The following BTBD9 variants were observed in gnomAD, a reference collection of about 807,000 sequenced individuals.
BTBD9 encodes BTB domain containing 9, also known as BTB/POZ domain-containing protein 9.
A neutral mutation model predicts 64.3 loss-of-function variants in BTBD9; 49 were observed. That is an observed-to-expected ratio of 0.76 (90% CI 0.61 to 0.97). The LOEUF (loss-of-function observed/expected upper bound fraction) is 0.97, where lower values mean the gene tolerates loss of function less well. Among genes scored for constraint, BTBD9 ranks in the 50% least tolerant of loss-of-function variants. The probability of loss-of-function intolerance (pLI) is 0.00; values close to 1 mark genes in which losing one functional copy is unlikely to be tolerated. For synonymous variants in BTBD9, 260 were observed against 274.7 expected, an observed-to-expected ratio of 0.95 and a Z score of 0.53; for missense variants, 598 against 762.1, an observed-to-expected ratio of 0.78 and a Z score of 2.53.
intron 1 of BTBD9, among the ~76,000 whole-genome samples, chr6:38,628,777 G>A (rs1387563458): frequency 6.6e-6 from 1 of 152,102 alleles, no homozygotes; most frequent in East Asian, 1.9e-4. Flanking sequence ...TTTGCTAAGA[G>A]GGCCTAGAAG....
Position 38,192,606 on chromosome 6 carries a change from G to C in BTBD9, c.1563-9C>G, listed in dbSNP as rs376378194. 1 of 1,612,846 alleles carries C rather than the reference G, an allele frequency of 6.2e-7. No homozygotes were observed. Among genetic ancestry groups the C allele is most frequent in the African/African-American group, 1.3e-5 (1 of 74,866 alleles). On this transcript the variant is annotated splice_polypyrimidine_tract_variant and intron_variant, in intron 9 of 10. Transcript: ENST00000481247. ...TTACTGACTGCCAGGACCTGTGAGA[G>C]GAAACAACCATTTGCCTGATTAGAT...
At chr6:38,199,903 A>C (rs1169255021) in intron 9 of BTBD9, among the ~76,000 whole-genome samples, 1 of 152,228 alleles carries the variant, frequency 6.6e-6, no homozygotes, top group Non-Finnish European at 1.5e-5. Flanking sequence ...TGCTGCCCCT[A>C]AACTGTAGGC....
chr6:38,389,169 A>T (rs1480644120), intron 6 of BTBD9, among the ~76,000 whole-genome samples: 1 of 152,224 alleles, frequency 6.6e-6, no homozygotes, highest in Non-Finnish European at 1.5e-5. Context: ...AAAGACATAT[A>T]TTATATCTAT....
intron 6 of BTBD9, among the ~76,000 whole-genome samples, chr6:38,470,047 C>T (rs1770577568): frequency 6.6e-6 from 1 of 152,166 alleles, no homozygotes; most frequent in Non-Finnish European, 1.5e-5. Context: ...ATCCTCCTAA[C>T]ACCAACAAGT....
At position 38,184,648 on chromosome 6, in the gene BTBD9, G is replaced by A. The variant is rs1469493626; in HGVS notation, c.1641+7871C>T. On this transcript the variant is annotated intron_variant, in intron 10 of 10. Coordinates refer to ENST00000481247, the MANE Select transcript of BTBD9 (RefSeq NM_001099272.2). This position sits in a 1 kb window ranked among gnomAD's most constrained non-coding sequence, Gnocchi z 4.4. ...CTTTGAGGTGCTTCTGGGCTGAGACGATGGTCCTCTGGAGGATGCTGCCGG... is the reference window on the plus strand; with the variant it reads ...CTTTGAGGTGCTTCTGGGCTGAGACAATGGTCCTCTGGAGGATGCTGCCGG... 1.3e-5 allele frequency among the ~76,000 whole-genome samples: 2 copies of A among 152,184 alleles called. No homozygotes were observed. Among genetic ancestry groups the A allele is most frequent in the African/African-American group, 4.8e-5 (2 of 41,442 alleles).
chr6:38,354,840 C>T (rs1477584728), intron 6 of BTBD9, among the ~76,000 whole-genome samples: 6 of 151,794 alleles, frequency 4.0e-5, no homozygotes, highest in South Asian at 2.1e-4. Flanking sequence ...AATAATACTG[C>T]AGAAAACTTG....
intron 5 of BTBD9, among the ~76,000 whole-genome samples, chr6:38,579,191 A>C (rs1283470999): frequency 6.6e-6 from 1 of 152,226 alleles, no homozygotes. Context: ...TGTACATGGG[A>C]AATGCTGACT....
chr6:38,483,176 T>G (rs1339711410), intron 6 of BTBD9, among the ~76,000 whole-genome samples: 1 of 152,028 alleles, frequency 6.6e-6, no homozygotes, highest in Non-Finnish European at 1.5e-5. Flanking sequence ...ATACTTTATC[T>G]TCTACATGTA....
intron 6 of BTBD9, among the ~76,000 whole-genome samples, chr6:38,568,484 T>C (rs759360660): frequency 1.3e-5 from 2 of 152,218 alleles, no homozygotes; most frequent in Non-Finnish European, 2.9e-5. Flanking sequence ...CAGCTCACTT[T>C]TGTCTCTGTT....
intron 9 of BTBD9, among the ~76,000 whole-genome samples, chr6:38,237,603 A>C (rs1763822167): frequency 6.6e-6 from 1 of 152,208 alleles, no homozygotes; most frequent in Non-Finnish European, 1.5e-5. Flanking sequence ...GATAGGAGTA[A>C]ATGGTTACCA....
chr6:38,502,620 A>G (rs1039949271), intron 6 of BTBD9, among the ~76,000 whole-genome samples: 3 of 152,226 alleles, frequency 2.0e-5, no homozygotes, highest in African/African-American at 7.2e-5. Context: ...AAACCTGCAG[A>G]GATGAGCAGG....
chr6:38,372,518 C>T (rs899934288), intron 6 of BTBD9, among the ~76,000 whole-genome samples: 1 of 152,204 alleles, frequency 6.6e-6, no homozygotes, highest in Non-Finnish European at 1.5e-5. Context: ...AAAAATAACA[C>T]TTTTAAGTAT....
At chr6:38,225,496 C>T (rs1412139902) in intron 9 of BTBD9, among the ~76,000 whole-genome samples, 3 of 152,168 alleles carry the variant, frequency 2.0e-5, no homozygotes, top group Non-Finnish European at 2.9e-5. Flanking sequence ...GGAACCATTC[C>T]TTTAGTAACT....
intron 8 of BTBD9, among the ~76,000 whole-genome samples, chr6:38,269,916 A>G (rs1765143265): frequency 6.6e-6 from 1 of 152,214 alleles, no homozygotes; most frequent in Non-Finnish European, 1.5e-5. Context: ...TGCCATGTAC[A>G]CTAATCCTTC....
At position 38,345,032 on chromosome 6, in the gene BTBD9, C is replaced by G; in HGVS notation, c.1216G>C (p.Glu406Gln). The G allele has an allele frequency of 6.2e-7, 1 of 1,609,960 alleles. No individual in the cohort carries two copies. Among genetic ancestry groups the G allele is most frequent in the Non-Finnish European group, 8.5e-7 (1 of 1,177,222 alleles). ...VNKIFHIVAF[E>Q]CMFTNKTFTL... is the part of the protein sequence containing the mutation. ...AAGGTTTTGTTTGTAAACATACATT[C>G]AAAAGCCACAATGTGAAAAATCTTG... Residue 406 changes from glutamate (E) to glutamine (Q), a missense_variant, in exon 7 of 11, where the codon GAA (glutamate) becomes CAA (glutamine). Glu to Gln is a conservative substitution (Grantham distance 29). Coordinates refer to ENST00000481247, the MANE Select transcript of BTBD9 (RefSeq NM_001099272.2).
Position 38,408,500 on chromosome 6 carries a change from A to G in BTBD9, c.1155-63407T>C, listed in dbSNP as rs771437288. The stretch of plus-strand genomic sequence containing the variant: ...ATCTGGATAGGGGATGAACCCACCA[A>G]TGTTTGTTTTTCCTTTGCTCGGGTT... On this transcript the variant is annotated intron_variant, in intron 6 of 10. Coordinates refer to ENST00000481247, the MANE Select transcript of BTBD9 (RefSeq NM_001099272.2). 8.7e-4 allele frequency among the ~76,000 whole-genome samples: 132 copies of G among 152,194 alleles called. 1 individual carries two copies. Among genetic ancestry groups the G allele is most frequent in the East Asian group, 1.9e-4 (1 of 5,192 alleles).
In BTBD9 at chr6:38,174,911, A is replaced by AC. The variant is rs1416989645; in HGVS notation, c.*73dup. 6.5e-7 allele frequency: 1 copy of AC among 1,546,580 alleles called. No homozygotes were observed. Among genetic ancestry groups the AC allele is most frequent in the African/African-American group, 1.4e-5 (1 of 73,274 alleles). On this transcript the variant is annotated 3_prime_UTR_variant, in exon 11 of 11. Transcript: ENST00000481247. Reference sequence around the variant, plus strand: ...GCAGAGGTGGGGGCAGTCAACAGAGACCCCTGCTCAGGGAGGAGACCGTTT... The same window carrying AC: ...GCAGAGGTGGGGGCAGTCAACAGAGACCCCCTGCTCAGGGAGGAGACCGTTT...
At chr6:38,579,136 A>C (rs938196279) in intron 5 of BTBD9, among the ~76,000 whole-genome samples, 1 of 152,228 alleles carries the variant, frequency 6.6e-6, no homozygotes, top group African/African-American at 2.4e-5. Context: ...TATATTCTTA[A>C]TAAAAAGGAA....
intron 10 of BTBD9, among the ~76,000 whole-genome samples, chr6:38,191,140 TTTGAAATA>T: frequency 6.6e-6 from 1 of 152,358 alleles, no homozygotes; most frequent in South Asian, 2.1e-4. Flanking sequence ...TCAGATTTGT[TTTGAAATA>T]AAGAGGCAAG....
Sources: allele counts gnomAD v4.1 joint callset (sites outside exome capture counted in the v4.1 genomes callset), GRCh38; gene constraint gnomAD v4.1.1; non-coding constraint Gnocchi (gnomAD v3.1); transcripts MANE v1.5; gene names NCBI Gene and HGNC (gene_info 2026-07-23, HGNC 2026-07-21).